The following TGFBR3 variants were observed in gnomAD, a reference collection of about 807,000 sequenced individuals.
TGFBR3 encodes transforming growth factor beta receptor 3.
In TGFBR3, 46 loss-of-function variants were observed where a neutral mutation model predicts 87.9. The ratio of observed to expected loss-of-function variants is 0.52; its 90% CI spans 0.41 to 0.67. TGFBR3 has a LOEUF of 0.67. TGFBR3 is among the 30% of genes least tolerant of loss of function. The pLI is 0.00. For synonymous variants in TGFBR3, 381 were observed against 391.6 expected (o/e 0.97, Z 0.32); for missense variants, 866 against 1,041.9 (o/e 0.83, Z 2.32).
At chr1:91,896,178 A>C (rs150162530) in intron 2 of TGFBR3, among the ~76,000 whole-genome samples, 152 of 152,308 alleles carry the variant, frequency 1.0e-3, no homozygotes, top group African/African-American at 3.3e-3. Flanking sequence ...TCCACAGTAC[A>C]CTATAAGCAC....
At chr1:91,899,487 C>CA (rs1195585776) in intron 2 of TGFBR3, 6 of 152,094 alleles carry the variant, frequency 3.9e-5, no homozygotes, top group African/African-American at 1.4e-4. Flanking sequence ...GCCTGGGCAA[C>CA]AGAGTAAGAG....
intron 4 of TGFBR3, among the ~76,000 whole-genome samples, chr1:91,746,061 A>G (rs1351339273): frequency 1.3e-5 from 2 of 152,234 alleles, no homozygotes; most frequent in East Asian, 3.8e-4. Context: ...GAAATATAAA[A>G]AAAACCTAAA....
At chr1:91,832,418 T>A (rs1676884298) in intron 2 of TGFBR3, among the ~76,000 whole-genome samples, 1 of 152,196 alleles carries the variant, frequency 6.6e-6, no homozygotes, top group Non-Finnish European at 1.5e-5. Flanking sequence ...TGGCTAATAA[T>A]AACATTATTA....
At chr1:91,859,681 T>C (rs916308295) in intron 2 of TGFBR3, among the ~76,000 whole-genome samples, 2 of 151,902 alleles carry the variant, frequency 1.3e-5, no homozygotes, top group Non-Finnish European at 2.9e-5. Flanking sequence ...ATCCCAGCAC[T>C]TTGGGAGGCT....
At chr1:91,822,973 G>T (rs1162682320) in intron 2 of TGFBR3, among the ~76,000 whole-genome samples, 1 of 152,026 alleles carries the variant, frequency 6.6e-6, no homozygotes, top group Non-Finnish European at 1.5e-5. Context: ...CTATTTAGTC[G>T]CCCATTCACA....
chr1:91,886,373 G>A (rs1679319525), upstream of TGFBR3: 1 of 348,314 alleles, frequency 2.9e-6, no homozygotes, highest in Non-Finnish European at 5.7e-6. Flanking sequence ...CCCGAATGCT[G>A]CTCGAGCCTG....
intron 3 of TGFBR3, among the ~76,000 whole-genome samples, chr1:91,788,510 G>C (rs1209558326): frequency 6.6e-6 from 1 of 152,240 alleles, no homozygotes; most frequent in Non-Finnish European, 1.5e-5. Flanking sequence ...AACTTACACA[G>C]AAATATTTAG....
intron 4 of TGFBR3, among the ~76,000 whole-genome samples, chr1:91,750,972 C>T (rs946128792): frequency 6.6e-6 from 1 of 152,198 alleles, no homozygotes; most frequent in African/African-American, 2.4e-5. Flanking sequence ...AACTGCAATT[C>T]CCAATTTTTC....
At chr1:91,779,280 G>T (rs866516414) in intron 3 of TGFBR3, among the ~76,000 whole-genome samples, 1 of 152,178 alleles carries the variant, frequency 6.6e-6, no homozygotes. Context: ...GATATTCCAC[G>T]CACTGTTCTA....
chr1:91,905,464 ACT>A lies in TGFBR3; in HGVS notation c.-175+360_-175+361del, dbSNP rs1299097862. Among the ~76,000 whole-genome samples the A allele has an allele frequency of 2.0e-5, 3 of 151,976 alleles. No individual in the cohort carries two copies. The East Asian group carries it at 5.8e-4, about 29-fold the overall frequency. On this transcript the variant is annotated intron_variant, in intron 1 of 17. Coordinates refer to the TGFBR3 transcript ENST00000370399. ...TTTGTTTTTTTGAGGTAAGAGTCTC[ACT>A]CTGTTGCCCAGGCTGAAGTGCAGTG... is the stretch of plus-strand genomic sequence containing the variant.
chr1:91,681,694 CA>C lies in TGFBR3; in HGVS notation c.*2044del. The C allele has an allele frequency of 2.3e-6, 1 of 438,648 alleles. No homozygotes were observed. Among genetic ancestry groups the C allele is most frequent in the Non-Finnish European group, 4.5e-6 (1 of 222,672 alleles). 27.2% of individuals were successfully genotyped at this position (438,648 alleles called of 1,614,324 possible). On this transcript the variant is annotated 3_prime_UTR_variant, in exon 17 of 17. Transcript: ENST00000212355. The stretch of plus-strand genomic sequence containing the variant: ...TGGAGTAACTTAAATTTATCTAAAA[CA>C]CTTAAATATATCTTTATACACAAAT...
At position 91,695,732 on chromosome 1, in the gene TGFBR3, C is replaced by A; in HGVS notation, c.2377G>T (p.Ala793Ser). The A allele has an allele frequency of 1.2e-6, 2 of 1,614,154 alleles. No individual in the cohort carries two copies. Among genetic ancestry groups the A allele is most frequent in the Non-Finnish European group, 1.7e-6 (2 of 1,180,004 alleles). Residue 793 changes from alanine to serine, a missense_variant, in exon 16 of 17, where the codon GCA (alanine) becomes TCA (serine). Coordinates refer to ENST00000212355, the MANE Select transcript of TGFBR3 (RefSeq NM_003243.5). ...DTLTVMGIAF[A>S]AFVIGALLTG... ...AGGAGTGCTCCGATCACAAAGGCTG[C>A]AAACGCAATGCCCATCACGGTTAGG...
chr1:91,745,279 C>A (rs896692200), intron 4 of TGFBR3, among the ~76,000 whole-genome samples: 2 of 152,174 alleles, frequency 1.3e-5, no homozygotes, highest in African/African-American at 4.8e-5. Context: ...CCTGCACAAA[C>A]AAATCTCTTT....
chr1:91,898,728 C>G (rs181505695), intron 2 of TGFBR3, among the ~76,000 whole-genome samples: 2 of 152,206 alleles, frequency 1.3e-5, no homozygotes, highest in African/African-American at 4.8e-5. Context: ...TGAGCGAACA[C>G]GTCTGGCTGA....
intron 16 of TGFBR3, among the ~76,000 whole-genome samples, chr1:91,692,139 T>G (rs777177468): frequency 3.9e-5 from 6 of 152,252 alleles, no homozygotes; most frequent in Non-Finnish European, 7.3e-5. Context: ...ATTTAGGTAG[T>G]CATAATAATG....
intron 16 of TGFBR3, among the ~76,000 whole-genome samples, chr1:91,689,481 A>G (rs1671200355): frequency 6.6e-6 from 1 of 152,230 alleles, no homozygotes; most frequent in South Asian, 2.1e-4. Context: ...AGCTTAAAAA[A>G]TCCATTGAAT....
chr1:91,713,719 T>C (rs1019933414), intron 12 of TGFBR3, among the ~76,000 whole-genome samples: 1 of 152,236 alleles, frequency 6.6e-6, no homozygotes, highest in Non-Finnish European at 1.5e-5. Context: ...AAGAGGATTC[T>C]GATAATGTCA....
chr1:91,828,621 G>A (rs1449032018), intron 2 of TGFBR3, among the ~76,000 whole-genome samples: 2 of 152,206 alleles, frequency 1.3e-5, no homozygotes, highest in Non-Finnish European at 2.9e-5. Context: ...GGAGGTGCAA[G>A]TGAACTTAGC....
At chr1:91,876,338 A>C (rs571498962) in intron 1 of TGFBR3, among the ~76,000 whole-genome samples, 1 of 152,296 alleles carries the variant, frequency 6.6e-6, no homozygotes, top group African/African-American at 2.4e-5. Context: ...GAGATTTCTT[A>C]GTTAACACCT....
Sources: allele counts gnomAD v4.1 joint callset (sites outside exome capture counted in the v4.1 genomes callset), GRCh38; gene constraint gnomAD v4.1.1; transcripts MANE v1.5; gene names NCBI Gene and HGNC (gene_info 2026-07-23, HGNC 2026-07-21).